Variants in ZC3H12B observed in about 807,000 individuals in gnomAD.
ZC3H12B encodes probable ribonuclease ZC3H12B.
In ZC3H12B, 7 loss-of-function variants were observed where a neutral mutation model predicts 43.9. The ratio of observed to expected loss-of-function variants is 0.16; its 90% CI spans 0.09 to 0.30. ZC3H12B has a LOEUF of 0.30. ZC3H12B is among the 10% of genes least tolerant of loss of function. The probability of loss-of-function intolerance (pLI) is 1.00; values close to 1 mark genes in which losing one functional copy is unlikely to be tolerated. For synonymous variants in ZC3H12B, 222 were observed against 241.7 expected, an observed-to-expected ratio of 0.92 and a Z score of 0.76; for missense variants, 475 against 670.2, an observed-to-expected ratio of 0.71 and a Z score of 3.22.
the ZC3H12B span, among the ~76,000 whole-genome samples, chrX:65,148,117 G>A: frequency 1.8e-5 from 2 of 111,269 alleles, no homozygotes; most frequent in Non-Finnish European, 3.8e-5. Flanking sequence ...ACAGGGACTG[G>A]CCTGGCATTG....
upstream of ZC3H12B, among the ~76,000 whole-genome samples, chrX:65,363,392 CA>C (rs2066129821): frequency 8.9e-6 from 1 of 111,882 alleles, no homozygotes; most frequent in African/African-American, 3.2e-5. Flanking sequence ...ACCCCTTCTA[CA>C]AAACAACAAC....
chrX:65,254,981 C>A, the ZC3H12B span, among the ~76,000 whole-genome samples: 7 of 110,922 alleles, frequency 6.3e-5, no homozygotes, highest in African/African-American at 3.3e-5. Flanking sequence ...AAGAAAAGTT[C>A]TCTGACATAA....
At chrX:65,265,518 A>G in the ZC3H12B span, among the ~76,000 whole-genome samples, 1 of 112,115 alleles carries the variant, frequency 8.9e-6, no homozygotes, top group Non-Finnish European at 1.9e-5. Context: ...GGCAACCATT[A>G]GAGGTCTCAT....
At position 65,461,932 on chromosome X, in the gene ZC3H12B, A is replaced by T. The variant is rs184377218; in HGVS notation, n.408-26714A>T. 4.0e-4 allele frequency among the ~76,000 whole-genome samples: 44 copies of T among 110,504 alleles called. 1 individual carries two copies. Among genetic ancestry groups the T allele is most frequent in the African/African-American group, 1.4e-3 (43 of 30,663 alleles). On this transcript the variant is annotated intron_variant and non_coding_transcript_variant, in intron 3 of 5. Coordinates refer to the ZC3H12B transcript ENST00000617377. ...AATAATCTCAGAAATAACCACTAAA[A>T]ATCTTAGTCATATAACCAAACACCA...
Position 65,385,850 on chromosome X carries a change from A to G in ZC3H12B, n.296-12743A>G, listed in dbSNP as rs939835967. Among the ~76,000 whole-genome samples, 5 of 112,188 alleles carry G rather than the reference A, an allele frequency of 4.5e-5. No individual in the cohort carries two copies. In the Admixed American group the frequency reaches 4.7e-4, roughly 11 times the overall value. The stretch of plus-strand genomic sequence containing the variant: ...ACCTAATTTATTGAGAGTTTTTAGC[A>G]TGAAGGGCTGCTGACTTTTGGCAAA... On this transcript the variant is annotated intron_variant and non_coding_transcript_variant, in intron 2 of 5. Transcript: ENST00000617377.
At chrX:65,143,426 C>A in the ZC3H12B span, among the ~76,000 whole-genome samples, 4 of 110,569 alleles carry the variant, frequency 3.6e-5, no homozygotes, top group Non-Finnish European at 7.6e-5. Context: ...TTGTCAAACC[C>A]TTTTTCTGCC....
At chrX:65,062,395 A>G in the ZC3H12B span, among the ~76,000 whole-genome samples, 3 of 112,129 alleles carry the variant, frequency 2.7e-5, no homozygotes. Context: ...CAGTTTTCCC[A>G]GCACCATTTA....
the ZC3H12B span, among the ~76,000 whole-genome samples, chrX:65,090,105 C>T: frequency 8.9e-6 from 1 of 112,149 alleles, no homozygotes; most frequent in Non-Finnish European, 1.9e-5. Flanking sequence ...GTATTATGTA[C>T]TATATGTAAT....
chrX:65,503,286 CTAA>C, exon 5 of ZC3H12B: 1 of 876,698 alleles, frequency 1.1e-6, no homozygotes, highest in Non-Finnish European at 1.5e-6. Flanking sequence ...ATTATAGTAA[CTAA>C]TAATTTGTGT....
the ZC3H12B span, among the ~76,000 whole-genome samples, chrX:65,072,155 C>A: frequency 5.4e-5 from 6 of 111,756 alleles, no homozygotes; most frequent in African/African-American, 1.9e-4. Flanking sequence ...CCTTTTCATT[C>A]TTTTTTCTGT....
the ZC3H12B span, among the ~76,000 whole-genome samples, chrX:65,089,608 A>C: frequency 2.7e-5 from 3 of 112,042 alleles, no homozygotes; most frequent in Admixed American, 2.8e-4. Flanking sequence ...AATAAGAATT[A>C]ATCTTAGCTT....
At chrX:65,463,728 A>G (rs943333360) in intron 3 of ZC3H12B, among the ~76,000 whole-genome samples, 1 of 110,332 alleles carries the variant, frequency 9.1e-6, no homozygotes, top group Admixed American at 9.7e-5. Context: ...TTTTGTTTTC[A>G]GTGTCTCCCA....
intron 3 of ZC3H12B, among the ~76,000 whole-genome samples, chrX:65,436,682 A>C (rs1398604720): frequency 9.0e-6 from 1 of 111,628 alleles, no homozygotes; most frequent in African/African-American, 3.3e-5. Flanking sequence ...CTTTTTAAAA[A>C]AACTTTTGAT....
At chrX:65,216,019 T>A in the ZC3H12B span, among the ~76,000 whole-genome samples, 1 of 111,674 alleles carries the variant, frequency 9.0e-6, no homozygotes, top group African/African-American at 3.3e-5. Context: ...GTAGCACCCA[T>A]ATAATTGTTA....
At chrX:65,107,436 C>T in the ZC3H12B span, among the ~76,000 whole-genome samples, 6 of 111,505 alleles carry the variant, frequency 5.4e-5, no homozygotes, top group South Asian at 7.5e-4. Flanking sequence ...TCATGTATCA[C>T]TTAACTGTAG....
the ZC3H12B span, among the ~76,000 whole-genome samples, chrX:65,161,409 A>C: frequency 2.7e-5 from 3 of 111,478 alleles, no homozygotes; most frequent in Non-Finnish European, 5.6e-5. Context: ...GTCTCTTTGT[A>C]GGTCACTCAG....
chrX:65,293,612 C>G, the ZC3H12B span, among the ~76,000 whole-genome samples: 15 of 108,820 alleles, frequency 1.4e-4, no homozygotes, highest in Admixed American at 6.9e-4. Context: ...AAAAAAGATA[C>G]AGGGAATGAA....
chrX:65,115,934 G>A, the ZC3H12B span, among the ~76,000 whole-genome samples: 3 of 110,642 alleles, frequency 2.7e-5, no homozygotes, highest in Middle Eastern at 4.6e-3. Context: ...GTTCCTTTTA[G>A]ATTCTTGATA....
chrX:65,123,869 A>T, the ZC3H12B span, among the ~76,000 whole-genome samples: 2 of 109,648 alleles, frequency 1.8e-5, no homozygotes, highest in Admixed American at 2.0e-4. Flanking sequence ...GAGTTCATTC[A>T]CCAGAGCTAG....
Sources: gnomAD v4.1 joint callset for allele counts (sites outside exome capture counted in the v4.1 genomes callset) on GRCh38, gnomAD v4.1.1 for gene constraint, MANE v1.5 for transcripts, NCBI Gene and HGNC (gene_info 2026-07-23, HGNC 2026-07-21) for gene names.